C6orf47: variants seen among roughly 807,000 people sequenced by gnomAD.
The protein encoded by C6orf47 is chromosome 6 open reading frame 47.
C6orf47 carries 1 observed loss-of-function variant against 5.6 expected under a neutral mutation model. That is an observed-to-expected ratio of 0.18 (90% confidence interval 0.06 to 0.85). C6orf47 has a LOEUF of 0.85. C6orf47 is among the 40% of genes least tolerant of loss of function. The pLI is 0.70. For synonymous variants in C6orf47, 149 were observed against 161.7 expected, an observed-to-expected ratio of 0.92 and a Z score of 0.60; for missense variants, 323 against 367.1, an observed-to-expected ratio of 0.88 and a Z score of 0.98.
rs1800514948 is a variant in C6orf47 at position 31,659,285 on chromosome 6, G to A, written c.663C>T (p.Gly221=). Reference sequence around the variant, plus strand: ...GCAGGGCAGCCAGGAAGGACAGTAGGCCATGTAGCCAGAGGCCCAGCGGTC... The same window carrying A: ...GCAGGGCAGCCAGGAAGGACAGTAGACCATGTAGCCAGAGGCCCAGCGGTC... ...LRGPLGLWLH[G]LLSFLAALHG... The change falls in exon 1 of 1, where the codon GGC becomes GGT. Residue 221 remains glycine, a synonymous_variant. Coordinates refer to ENST00000375911, the MANE Select transcript of C6orf47 (RefSeq NM_021184.4). This position sits in a 1 kb window ranked among gnomAD's most constrained non-coding sequence, Gnocchi z 5.6. The A allele has an allele frequency of 6.2e-7, 1 of 1,613,060 alleles. No homozygotes were observed. The highest frequency in any genetic ancestry group is 1.1e-5 in the South Asian group (1 of 91,090).
chr6:31,659,136 G>A lies in C6orf47; in HGVS notation c.812C>T (p.Ala271Val). The change falls in exon 1 of 1, where the codon GCC becomes GTC. Residue 271 changes from alanine (A) to valine (V), a missense_variant. Coordinates refer to ENST00000375911, the MANE Select transcript of C6orf47 (RefSeq NM_021184.4). This position sits in a 1 kb window ranked among gnomAD's most constrained non-coding sequence, Gnocchi z 5.6. ...SLREPNGDEA[A>V]TDWESEGLER... ...CAACCCCTCACTCTCCCAGTCAGTG[G>A]CCGCCTCATCCCCATTGGGCTCCCG... The A allele has an allele frequency of 6.2e-7, 1 of 1,613,058 alleles. No individual in the cohort carries two copies. The highest frequency in any genetic ancestry group is 8.5e-7 in the Non-Finnish European group (1 of 1,180,038).
Position 31,659,438 on chromosome 6 carries a change from C to T in C6orf47, c.510G>A (p.Gly170=). ...GEPGAPSRYL[G]GPEECLQIST... ...AGATCTGCAGACACTCTTCTGGGCCCCCCAAGTACCGGGAGGGAGCTCCTG... is the reference window on the plus strand; with the variant it reads ...AGATCTGCAGACACTCTTCTGGGCCTCCCAAGTACCGGGAGGGAGCTCCTG... The change falls in exon 1 of 1, where the codon GGG becomes GGA. Residue 170 remains glycine (G), a synonymous_variant. Coordinates refer to ENST00000375911, the MANE Select transcript of C6orf47 (RefSeq NM_021184.4). This position sits in a 1 kb window ranked among gnomAD's most constrained non-coding sequence, Gnocchi z 5.6. The T allele has an allele frequency of 1.2e-6, 2 of 1,612,956 alleles. No individual in the cohort carries two copies. Among genetic ancestry groups the T allele is most frequent in the Non-Finnish European group, 1.7e-6 (2 of 1,179,984 alleles).
Position 31,658,536 on chromosome 6 carries a change from C to T in C6orf47, c.*527G>A, listed in dbSNP as rs1293054269. The stretch of plus-strand genomic sequence containing the variant: ...CTCTGGCTCCCATGATCACCAGATC[C>T]GCCCTGCAGGCTCCCTGTCACCTGT... On this transcript the variant is annotated 3_prime_UTR_variant, in exon 1 of 1. Transcript: ENST00000375911. The T allele has an allele frequency of 2.9e-5, 6 of 208,752 alleles. No homozygotes were observed. The highest frequency in any genetic ancestry group is 5.8e-5 in the Non-Finnish European group (6 of 103,496). 12.9% of individuals were successfully genotyped at this position (208,752 alleles called of 1,614,324 possible). A position where few individuals can be genotyped will look rare whatever the true frequency, so the allele number is the denominator to read the frequency against.
Position 31,659,076 on chromosome 6 carries a change from C to G in C6orf47, c.872G>C (p.Gly291Ala), listed in dbSNP as rs749364219. The change falls in exon 1 of 1, where the codon GGA becomes GCA. Residue 291 changes from glycine (G) to alanine (A), a missense_variant. Transcript: ENST00000375911. This position sits in a 1 kb window ranked among gnomAD's most constrained non-coding sequence, Gnocchi z 5.6. ...CCCACCCCACGGTCACAGCCCCTTT[C>G]CCGGGTCTCCCCTCTGCTCCTCACC... ...REGEEQRGDP[G>A]KGL 6.2e-7 allele frequency: 1 copy of G among 1,612,278 alleles called. No homozygotes were observed. Among genetic ancestry groups the G allele is most frequent in the South Asian group, 1.1e-5 (1 of 90,972 alleles).
chr6:31,659,417 C>A lies in C6orf47; in HGVS notation c.531G>T (p.Gln177His). 1 of 1,613,066 alleles carries A rather than the reference C, an allele frequency of 6.2e-7. No individual in the cohort carries two copies. Among genetic ancestry groups the A allele is most frequent in the Non-Finnish European group, 8.5e-7 (1 of 1,180,010 alleles). The change falls in exon 1 of 1, where the codon CAG becomes CAT. Residue 177 changes from glutamine to histidine, a missense_variant. Physicochemically the swap from Gln to His is conservative, Grantham distance 24. Coordinates refer to ENST00000375911, the MANE Select transcript of C6orf47 (RefSeq NM_021184.4). The surrounding 1 kb of genome is among the most constrained non-coding windows in gnomAD (Gnocchi z 5.6). ...RYLGGPEECL[Q>H]ISTNLTLHLL... The stretch of plus-strand genomic sequence containing the variant: ...GATGCAGGGTCAGGTTGGTGGAGAT[C>A]TGCAGACACTCTTCTGGGCCCCCCA...
Position 31,659,872 on chromosome 6 carries a change from A to G in C6orf47, c.76T>C (p.Tyr26His). The change falls in exon 1 of 1, where the codon TAC becomes CAC. Residue 26 changes from tyrosine (Y) to histidine (H), a missense_variant. By Grantham distance (83) the Tyr-to-His change is moderately conservative. Coordinates refer to ENST00000375911, the MANE Select transcript of C6orf47 (RefSeq NM_021184.4). This position sits in a 1 kb window ranked among gnomAD's most constrained non-coding sequence, Gnocchi z 5.6. ...CTGTCCACCCGTCTGGGTTCTGGGT[A>G]AGGCGGGTCAGGCCTCATTGGTTTC... ...RRKPMRPDPP[Y>H]PEPRRVDSSS... is the part of the protein sequence containing the mutation. The G allele has an allele frequency of 6.2e-7, 1 of 1,611,536 alleles. No individual in the cohort carries two copies. The highest frequency in any genetic ancestry group is 8.5e-7 in the Non-Finnish European group (1 of 1,179,290).
rs1800558112 is a variant in C6orf47, at chr6:31,659,503, C to T, written c.445G>A (p.Gly149Ser). 3 of 1,613,098 alleles carry T rather than the reference C, an allele frequency of 1.9e-6. No individual in the cohort carries two copies. In the African/African-American group the frequency reaches 4.0e-5, roughly 21 times the overall value. ...PGPGAPLEKP[G>S]RREKLLGWLR... Reference sequence around the variant, plus strand: ...CAGCCCAACAGCTTCTCACGCCTACCAGGTTTCTCCAATGGGGCTCCTGGC... The same window carrying T: ...CAGCCCAACAGCTTCTCACGCCTACTAGGTTTCTCCAATGGGGCTCCTGGC... The change falls in exon 1 of 1, where the codon GGT (glycine) becomes AGT (serine). Residue 149 changes from glycine to serine, a missense_variant. Gly to Ser is a moderately conservative substitution (Grantham distance 56). Coordinates refer to ENST00000375911, the MANE Select transcript of C6orf47 (RefSeq NM_021184.4). This position sits in a 1 kb window ranked among gnomAD's most constrained non-coding sequence, Gnocchi z 5.6.
rs751450471 is a variant in C6orf47, at chr6:31,659,757, A to C, written c.191T>G (p.Leu64Trp). Residue 64 changes from leucine to tryptophan, a missense_variant, in exon 1 of 1, where the codon TTG (leucine) becomes TGG (tryptophan). Coordinates refer to ENST00000375911, the MANE Select transcript of C6orf47 (RefSeq NM_021184.4). The surrounding 1 kb of genome is among the most constrained non-coding windows in gnomAD (Gnocchi z 5.6). ...GHPKTKDSGA[L>W]RVSGAASEPS... ...TTCGGAAGCAGCCCCAGAAACCCTC[A>C]ATGCCCCCGAGTCCTTAGTCTTGGG... The C allele has an allele frequency of 6.2e-7, 1 of 1,612,892 alleles. No individual in the cohort carries two copies. Among genetic ancestry groups the C allele is most frequent in the African/African-American group, 1.3e-5 (1 of 74,908 alleles).
Position 31,660,001 on chromosome 6 carries a change from C to T in C6orf47, c.-54G>A, listed in dbSNP as rs1363724613. On this transcript the variant is annotated 5_prime_UTR_variant, in exon 1 of 1. Coordinates refer to ENST00000375911, the MANE Select transcript of C6orf47 (RefSeq NM_021184.4). The surrounding 1 kb of genome is among the most constrained non-coding windows in gnomAD (Gnocchi z 4.7). ...TCTGAGGCTGCTTCCTGGCACTACTCAGACTCTCAGGATCTCCTCAGAAGC... is the reference window on the plus strand; with the variant it reads ...TCTGAGGCTGCTTCCTGGCACTACTTAGACTCTCAGGATCTCCTCAGAAGC... 5.4e-6 allele frequency: 8 copies of T among 1,494,706 alleles called. No individual in the cohort carries two copies. The highest frequency in any genetic ancestry group is 2.5e-5 in the East Asian group (1 of 40,632). The allele number at this position is 1,494,706 out of a possible 1,614,324, so 92.6% of individuals were successfully genotyped here. A position where few individuals can be genotyped will look rare whatever the true frequency, so the allele number is the denominator to read the frequency against.
At position 31,660,032 on chromosome 6, in the gene C6orf47, T is replaced by A; in HGVS notation, c.-85A>T. On this transcript the variant is annotated 5_prime_UTR_variant, in exon 1 of 1. Coordinates refer to ENST00000375911, the MANE Select transcript of C6orf47 (RefSeq NM_021184.4). This position sits in a 1 kb window ranked among gnomAD's most constrained non-coding sequence, Gnocchi z 4.7. ...CTCAGGATCTCCTCAGAAGCCAGAG[T>A]CTTTCTGGCTCAGAACAGGTATTTG... 7.1e-7 allele frequency: 1 copy of A among 1,409,224 alleles called. No homozygotes were observed. Among genetic ancestry groups the A allele is most frequent in the Non-Finnish European group, 9.5e-7 (1 of 1,057,678 alleles). The allele number at this position is 1,409,224 out of a possible 1,614,324, so 87.3% of individuals were successfully genotyped here. A position where few individuals can be genotyped will look rare whatever the true frequency, so the allele number is the denominator to read the frequency against.
Position 31,658,803 on chromosome 6 carries a change from G to GA in C6orf47, c.*259dup, listed in dbSNP as rs35131358. On this transcript the variant is annotated 3_prime_UTR_variant, in exon 1 of 1. Transcript: ENST00000375911. ...TTTTTGCTTTTAAAAAGTGGAGGTG[G>GA]AAAAAAAAAAAAAACTGAAGGTGGG... 0.27 allele frequency: 87,287 copies of GA among 318,942 alleles called. 1,947 individuals are homozygous for GA. Among genetic ancestry groups the GA allele is most frequent in the East Asian group, 0.33 (7,103 of 21,390 alleles). The allele number at this position is 318,942 out of a possible 1,614,324, so 19.8% of individuals were successfully genotyped here.
In C6orf47 at chr6:31,658,432, T is replaced by G; in HGVS notation, c.*631A>C. On this transcript the variant is annotated 3_prime_UTR_variant, in exon 1 of 1. Coordinates refer to ENST00000375911, the MANE Select transcript of C6orf47 (RefSeq NM_021184.4). Reference sequence around the variant, plus strand: ...CCCAAGTGGGGACTACAGGCTTCAGTGCTTCCCCCACACTGCCTGAGCTAC... The same window carrying G: ...CCCAAGTGGGGACTACAGGCTTCAGGGCTTCCCCCACACTGCCTGAGCTAC... 2.5e-6 allele frequency: 1 copy of G among 396,760 alleles called. No individual in the cohort carries two copies. The highest frequency in any genetic ancestry group is 4.7e-6 in the Non-Finnish European group (1 of 214,728). 24.6% of individuals were successfully genotyped at this position (396,760 alleles called of 1,614,324 possible). A position where few individuals can be genotyped will look rare whatever the true frequency, so the allele number is the denominator to read the frequency against.
chr6:31,660,165 TA>T lies in C6orf47; in HGVS notation c.-219del, dbSNP rs1292951206. 10 of 582,506 alleles carry T rather than the reference TA, an allele frequency of 1.7e-5. No homozygotes were observed. The highest frequency in any genetic ancestry group is 3.0e-5 in the Non-Finnish European group (10 of 329,886). The allele number at this position is 582,506 out of a possible 1,614,324, so 36.1% of individuals were successfully genotyped here. A position where few individuals can be genotyped will look rare whatever the true frequency, so the allele number is the denominator to read the frequency against. On this transcript the variant is annotated 5_prime_UTR_variant, in exon 1 of 1. The change creates a premature stop within an existing upstream ORF in the 5' untranslated region. Coordinates refer to ENST00000375911, the MANE Select transcript of C6orf47 (RefSeq NM_021184.4). This position sits in a 1 kb window ranked among gnomAD's most constrained non-coding sequence, Gnocchi z 4.7. ...GTTTGCTTCCTCTTCAGTTCTGGGG[TA>T]AAGGGGGGCATACCCAAATTCATTC...
Position 31,658,801 on chromosome 6 carries a change from T to TG in C6orf47, c.*261dup, listed in dbSNP as rs1387440181. On this transcript the variant is annotated 3_prime_UTR_variant, in exon 1 of 1. Coordinates refer to ENST00000375911, the MANE Select transcript of C6orf47 (RefSeq NM_021184.4). ...TTTTTTTGCTTTTAAAAAGTGGAGG[T>TG]GGAAAAAAAAAAAAAACTGAAGGTG... 1 of 309,464 alleles carries TG rather than the reference T, an allele frequency of 3.2e-6. No homozygotes were observed. Among genetic ancestry groups the TG allele is most frequent in the African/African-American group, 3.3e-5 (1 of 30,350 alleles). The allele number at this position is 309,464 out of a possible 1,614,324, so 19.2% of individuals were successfully genotyped here.
rs892555794 is a variant in C6orf47 at position 31,658,798 on chromosome 6, A to C, written c.*265T>G. Reference sequence around the variant, plus strand: ...TTTTTTTTTTGCTTTTAAAAAGTGGAGGTGGAAAAAAAAAAAAAACTGAAG... The same window carrying C: ...TTTTTTTTTTGCTTTTAAAAAGTGGCGGTGGAAAAAAAAAAAAAACTGAAG... On this transcript the variant is annotated 3_prime_UTR_variant, in exon 1 of 1. Coordinates refer to ENST00000375911, the MANE Select transcript of C6orf47 (RefSeq NM_021184.4). 1 of 345,392 alleles carries C rather than the reference A, an allele frequency of 2.9e-6. No homozygotes were observed. The highest frequency in any genetic ancestry group is 4.9e-5 in the Admixed American group (1 of 20,202). The allele number at this position is 345,392 out of a possible 1,614,324, so 21.4% of individuals were successfully genotyped here.
rs1383300817 is a variant in C6orf47 at position 31,659,937 on chromosome 6, C to T, written c.11G>A (p.Arg4Gln). The change falls in exon 1 of 1, where the codon CGA becomes CAA. Residue 4 changes from arginine (R) to glutamine (Q), a missense_variant. Transcript: ENST00000375911. This position sits in a 1 kb window ranked among gnomAD's most constrained non-coding sequence, Gnocchi z 5.6. MFL[R>Q]RLGGWLPRPW... ...GCGAGGTAGCCAGCCACCAAGCCGTCGCAGGAACATGGCTGGGGTGTGTAA... is the reference window on the plus strand; with the variant it reads ...GCGAGGTAGCCAGCCACCAAGCCGTTGCAGGAACATGGCTGGGGTGTGTAA... 1.9e-6 allele frequency: 3 copies of T among 1,570,898 alleles called. No individual in the cohort carries two copies. The highest frequency in any genetic ancestry group is 2.6e-6 in the Non-Finnish European group (3 of 1,156,884).
At position 31,659,307 on chromosome 6, in the gene C6orf47, G is replaced by A. The variant is rs141703362; in HGVS notation, c.641C>T (p.Pro214Leu). 1.1e-4 allele frequency: 181 copies of A among 1,613,062 alleles called. No homozygotes were observed. Among genetic ancestry groups the A allele is most frequent in the Non-Finnish European group, 1.4e-4 (169 of 1,180,000 alleles). ...TAGGCCATGTAGCCAGAGGCCCAGC[G>A]GTCCACGCAGGCCCAGTGTGTCCAA... ...AALDTLGLRG[P>L]LGLWLHGLLS... The change falls in exon 1 of 1, where the codon CCG becomes CTG. Residue 214 changes from proline to leucine, a missense_variant. Physicochemically the swap from Pro to Leu is moderately conservative, Grantham distance 98. Coordinates refer to ENST00000375911, the MANE Select transcript of C6orf47 (RefSeq NM_021184.4). The surrounding 1 kb of genome is among the most constrained non-coding windows in gnomAD (Gnocchi z 5.6).
Position 31,659,591 on chromosome 6 carries a change from A to G in C6orf47, c.357T>C (p.His119=), listed in dbSNP as rs1452929538. The G allele has an allele frequency of 1.9e-6, 3 of 1,612,670 alleles. No individual in the cohort carries two copies. Among genetic ancestry groups the G allele is most frequent in the African/African-American group, 1.3e-5 (1 of 74,922 alleles). ...GTCTCCTGGTGCCACCTGAATCCAC[A>G]TGATCCCATCTGAGTTTGGGACTGG... is the stretch of plus-strand genomic sequence containing the variant. ...GGASPKLRWD[H]VDSGGTRRPG... is the part of the protein sequence containing the mutation. The change falls in exon 1 of 1, where the codon CAT becomes CAC. Residue 119 remains histidine (H), a synonymous_variant. Transcript: ENST00000375911. The surrounding 1 kb of genome is among the most constrained non-coding windows in gnomAD (Gnocchi z 5.6).
rs1476601333 is a variant in C6orf47 at position 31,659,453 on chromosome 6, G to A, written c.495C>T (p.Pro165=). The change falls in exon 1 of 1, where the codon CCC becomes CCT. Residue 165 remains proline, a synonymous_variant. Coordinates refer to ENST00000375911, the MANE Select transcript of C6orf47 (RefSeq NM_021184.4). The surrounding 1 kb of genome is among the most constrained non-coding windows in gnomAD (Gnocchi z 5.6). The part of the protein sequence containing the change: ...LGWLRGEPGA[P]SRYLGGPEEC... ...CTTCTGGGCCCCCCAAGTACCGGGA[G>A]GGAGCTCCTGGTTCCCCCCGCAGCC... 3 of 1,612,996 alleles carry A rather than the reference G, an allele frequency of 1.9e-6. No homozygotes were observed. Among genetic ancestry groups the A allele is most frequent in the Non-Finnish European group, 2.5e-6 (3 of 1,180,038 alleles).
Sources: allele counts gnomAD v4.1 joint callset, GRCh38; gene constraint gnomAD v4.1.1; non-coding constraint Gnocchi (gnomAD v3.1); transcripts MANE v1.5; gene names NCBI Gene and HGNC (gene_info 2026-07-23, HGNC 2026-07-21).